The following FGF14 variants were observed in gnomAD, a reference collection of about 807,000 sequenced individuals.
The protein encoded by FGF14 is fibroblast growth factor homologous factor 4.
In FGF14, 5 loss-of-function variants were observed where a neutral mutation model predicts 25.5. The ratio of observed to expected loss-of-function variants is 0.20; its 90% CI spans 0.10 to 0.41. The LOEUF is 0.41. Among genes scored for constraint, FGF14 ranks in the 10% least tolerant of loss-of-function variants. FGF14 has a pLI of 1.00. For synonymous variants in FGF14, 138 were observed against 118.3 expected, an observed-to-expected ratio of 1.17 and a Z score of -1.08; for missense variants, 222 against 320.1, an observed-to-expected ratio of 0.69 and a Z score of 2.34.
intron 1 of FGF14, among the ~76,000 whole-genome samples, chr13:102,260,096 A>G (rs2052647336): frequency 6.6e-6 from 1 of 152,060 alleles, no homozygotes; most frequent in Admixed American, 6.5e-5. Flanking sequence ...TCAGAGAACA[A>G]GAAAAAGAGA....
At chr13:101,836,498 G>A (rs1282378079) in intron 3 of FGF14, among the ~76,000 whole-genome samples, 1 of 152,096 alleles carries the variant, frequency 6.6e-6, no homozygotes, top group Non-Finnish European at 1.5e-5. Context: ...AACCGAAGGA[G>A]TCAGTAATTA....
intron 1 of FGF14, among the ~76,000 whole-genome samples, chr13:101,933,043 T>C (rs950914632): frequency 6.6e-6 from 1 of 152,242 alleles, no homozygotes; most frequent in African/African-American, 2.4e-5. Flanking sequence ...TTTTTCACTC[T>C]ATTCATCTCC....
At chr13:102,041,749 C>T (rs2041754047) in intron 1 of FGF14, among the ~76,000 whole-genome samples, 1 of 152,102 alleles carries the variant, frequency 6.6e-6, no homozygotes, top group Non-Finnish European at 1.5e-5. Flanking sequence ...CTCATAAAAG[C>T]CAGAAGTGCT....
intron 1 of FGF14, among the ~76,000 whole-genome samples, chr13:102,340,227 A>G (rs894285701): frequency 7.2e-5 from 11 of 152,212 alleles, no homozygotes; most frequent in Non-Finnish European, 1.3e-4. Context: ...CAAATTGCCC[A>G]TCCCCACATC....
chr13:102,182,010 G>A (rs116847206), intron 1 of FGF14, among the ~76,000 whole-genome samples: 2,914 of 152,164 alleles, frequency 0.019, 34 homozygotes, highest in Admixed American at 0.028. Context: ...AATAATTGCC[G>A]TTGTTTTCAG....
chr13:102,363,659 G>A (rs1351192318), intron 1 of FGF14, among the ~76,000 whole-genome samples: 1 of 152,104 alleles, frequency 6.6e-6, no homozygotes, highest in African/African-American at 2.4e-5. Flanking sequence ...GGCATTTCTT[G>A]AACCAGAGAA....
intron 3 of FGF14, among the ~76,000 whole-genome samples, chr13:101,820,196 ATAT>A (rs2042043562): frequency 6.6e-6 from 1 of 152,222 alleles, no homozygotes; most frequent in East Asian, 1.9e-4. Context: ...TTGACAAAAC[ATAT>A]TATGGCAATA....
At chr13:101,770,111 G>C (rs747240763) in intron 3 of FGF14, among the ~76,000 whole-genome samples, 20 of 143,536 alleles carry the variant, frequency 1.4e-4, no homozygotes, top group Non-Finnish European at 3.0e-4. Context: ...GAGCATCTAA[G>C]AGTGCTGTAA....
At chr13:101,958,027 T>C (rs2036614727) in intron 1 of FGF14, among the ~76,000 whole-genome samples, 1 of 152,198 alleles carries the variant, frequency 6.6e-6, no homozygotes, top group Non-Finnish European at 1.5e-5. Context: ...AAATGTACTA[T>C]AAATTACAGT....
At chr13:102,042,304 C>A (rs1240801177) in intron 1 of FGF14, among the ~76,000 whole-genome samples, 3 of 152,144 alleles carry the variant, frequency 2.0e-5, no homozygotes, top group Admixed American at 2.0e-4. Flanking sequence ...TACACAAATT[C>A]ATATCATTAT....
intron 1 of FGF14, among the ~76,000 whole-genome samples, chr13:101,991,431 A>G (rs1034854309): frequency 3.3e-5 from 5 of 152,244 alleles, no homozygotes; most frequent in South Asian, 4.1e-4. Context: ...AAAAATACCA[A>G]TTGAAATGTG....
rs548773855 is a variant in FGF14, at chr13:102,362,162, T to A, written c.208+39309A>T. 3.9e-5 allele frequency among the ~76,000 whole-genome samples: 6 copies of A among 152,300 alleles called. No homozygotes were observed. The South Asian group carries it at 1.2e-3, about 32-fold the overall frequency. On this transcript the variant is annotated intron_variant, in intron 1 of 4. Transcript: ENST00000376131. ...TTCATTGCCATGATAGTCCAGGCCC[T>A]TATAATTATGGCCTGGGTTTAACCG...
intron 1 of FGF14, among the ~76,000 whole-genome samples, chr13:102,019,220 C>T (rs16959614): frequency 0.032 from 4,874 of 152,172 alleles, 251 homozygotes; most frequent in African/African-American, 0.11. Context: ...TTGGAGTCCA[C>T]CTAACTTTCC....
chr13:102,055,712 C>T (rs1381436329), intron 1 of FGF14, among the ~76,000 whole-genome samples: 1 of 152,156 alleles, frequency 6.6e-6, no homozygotes, highest in Non-Finnish European at 1.5e-5. Flanking sequence ...GGTGGCAAAC[C>T]ACACCTCTTT....
At chr13:101,731,517 G>A (rs2035811737) in intron 3 of FGF14, among the ~76,000 whole-genome samples, 1 of 152,140 alleles carries the variant, frequency 6.6e-6, no homozygotes, top group Admixed American at 6.5e-5. Context: ...TGTTGTGGTT[G>A]TTTTTGAAAT....
At chr13:101,985,975 A>T (rs995493231) in intron 1 of FGF14, among the ~76,000 whole-genome samples, 1 of 152,126 alleles carries the variant, frequency 6.6e-6, no homozygotes, top group Non-Finnish European at 1.5e-5. Context: ...TACATTTCTG[A>T]TTCTTAAAGA....
Position 101,712,565 on chromosome 13 carries a change from G to A in FGF14, c.*10266C>T, listed in dbSNP as rs568521398. 6.6e-6 allele frequency: 1 copy of A among 152,040 alleles called. No individual in the cohort carries two copies. The highest frequency in any genetic ancestry group is 2.4e-5 in the African/African-American group (1 of 41,474). The allele number at this position is 152,040 out of a possible 1,614,324, so 9.4% of individuals were successfully genotyped here. A position where few individuals can be genotyped will look rare whatever the true frequency, so the allele number is the denominator to read the frequency against. On this transcript the variant is annotated 3_prime_UTR_variant, in exon 5 of 5. Transcript: ENST00000376143. ...CCTGGGTGTATATATGAATATTATGGGCATATAAAATCAGCACTACTTTAG... is the reference window on the plus strand; with the variant it reads ...CCTGGGTGTATATATGAATATTATGAGCATATAAAATCAGCACTACTTTAG...
intron 3 of FGF14, among the ~76,000 whole-genome samples, chr13:101,750,682 C>T (rs972158725): frequency 6.6e-6 from 1 of 152,066 alleles, no homozygotes; most frequent in African/African-American, 2.4e-5. Flanking sequence ...ATCTAAAAAC[C>T]TTGATCCTTG....
At chr13:101,803,225 A>T (rs1479761681) in intron 3 of FGF14, among the ~76,000 whole-genome samples, 1 of 150,182 alleles carries the variant, frequency 6.7e-6, no homozygotes, top group African/African-American at 2.5e-5. Context: ...ACCTCCCAGG[A>T]TCAAGGGATC....
Sources: allele counts gnomAD v4.1 joint callset (sites outside exome capture counted in the v4.1 genomes callset), GRCh38; gene constraint gnomAD v4.1.1; transcripts MANE v1.5; gene names NCBI Gene and HGNC (gene_info 2026-07-23, HGNC 2026-07-21).